LRP1B: variants seen among roughly 807,000 people sequenced by gnomAD.
LRP1B encodes the protein low-density lipoprotein receptor-related protein 1B.
In LRP1B, 217 loss-of-function variants were observed where a neutral mutation model predicts 556.6. The observed-to-expected ratio is 0.39, with a 90% CI of 0.35 to 0.44. The LOEUF (loss-of-function observed/expected upper bound fraction) is 0.44. Ranked by LOEUF, LRP1B falls within the 20% of genes least tolerant of loss-of-function variation. The pLI is 1.00. For missense variants in LRP1B, 5,053 were observed against 5,620.8 expected (o/e 0.90, Z 3.23); for synonymous variants, 2,047 against 1,865.8 (o/e 1.10, Z -2.50).
chr2:141,784,671 C>T (rs886487216), intron 2 of LRP1B, among the ~76,000 whole-genome samples: 1 of 151,852 alleles, frequency 6.6e-6, no homozygotes, highest in African/African-American at 2.4e-5. Flanking sequence ...CAATTTGTCA[C>T]CCCTTTCCCT....
At chr2:141,214,759 G>T (rs1345627734) in intron 6 of LRP1B, among the ~76,000 whole-genome samples, 1 of 152,136 alleles carries the variant, frequency 6.6e-6, no homozygotes, top group Non-Finnish European at 1.5e-5. Flanking sequence ...TGGGAAGTCA[G>T]AGACCAAGCC....
Position 140,748,115 on chromosome 2 carries a change from AT to A in LRP1B, c.5758+21097del, listed in dbSNP as rs1559093567. Reference sequence around the variant, plus strand: ...TGAATATATATATATATATATATATATATATATATATATATATATATAATTC... The same window carrying A: ...TGAATATATATATATATATATATATAATATATATATATATATATATAATTC... On this transcript the variant is annotated intron_variant, in intron 35 of 90. Coordinates refer to ENST00000389484, the MANE Select transcript of LRP1B (RefSeq NM_018557.3). 4.5e-4 allele frequency among the ~76,000 whole-genome samples: 60 copies of A among 132,852 alleles called. 1 individual carries two copies. The highest frequency in any genetic ancestry group is 9.0e-4 in the Admixed American group (11 of 12,262). 87.2% of individuals were successfully genotyped at this position (132,852 alleles called of 152,430 possible).
At chr2:141,087,710 C>T (rs1430419535) in intron 7 of LRP1B, among the ~76,000 whole-genome samples, 3 of 152,140 alleles carry the variant, frequency 2.0e-5, no homozygotes, top group African/African-American at 7.2e-5. Context: ...GAAAACTTTA[C>T]AGCATGATGC....
intron 7 of LRP1B, among the ~76,000 whole-genome samples, chr2:141,133,226 A>G (rs2105032329): frequency 6.6e-6 from 1 of 151,514 alleles, no homozygotes; most frequent in Non-Finnish European, 1.5e-5. Flanking sequence ...AATCTCCTAC[A>G]TCTTATTTCC....
intron 47 of LRP1B, among the ~76,000 whole-genome samples, chr2:140,528,142 T>C (rs571308448): frequency 6.6e-6 from 1 of 151,962 alleles, no homozygotes; most frequent in African/African-American, 2.4e-5. Flanking sequence ...GAGGCAAATG[T>C]AGGGAATGGC....
intron 3 of LRP1B, among the ~76,000 whole-genome samples, chr2:141,298,997 A>G (rs956267571): frequency 4.0e-5 from 6 of 151,498 alleles, no homozygotes; most frequent in Non-Finnish European, 7.4e-5. Flanking sequence ...ACAAGCCTGT[A>G]ACCATGAGTA....
At chr2:140,292,459 T>TC (rs1216250337) in intron 84 of LRP1B, among the ~76,000 whole-genome samples, 2 of 152,118 alleles carry the variant, frequency 1.3e-5, no homozygotes, top group Non-Finnish European at 1.5e-5. Flanking sequence ...CATATGCTGC[T>TC]CCCCCTTGCT....
At chr2:141,081,714 A>G (rs1398669689) in intron 7 of LRP1B, among the ~76,000 whole-genome samples, 1 of 151,958 alleles carries the variant, frequency 6.6e-6, no homozygotes, top group Non-Finnish European at 1.5e-5. Context: ...AAATTAGGCT[A>G]CAGAAGAAAA....
intron 43 of LRP1B, among the ~76,000 whole-genome samples, chr2:140,563,999 G>A (rs896350934): frequency 7.2e-5 from 11 of 152,094 alleles, no homozygotes; most frequent in Non-Finnish European, 1.6e-4. Context: ...AGGGTAACAA[G>A]GAGATAACAC....
At chr2:140,428,950 A>G (rs1445232771) in intron 66 of LRP1B, among the ~76,000 whole-genome samples, 1 of 152,096 alleles carries the variant, frequency 6.6e-6, no homozygotes, top group Non-Finnish European at 1.5e-5. Flanking sequence ...CCTAGACTAC[A>G]GCCACATCTC....
chr2:140,576,399 G>C (rs551100239), intron 43 of LRP1B, among the ~76,000 whole-genome samples: 1 of 152,286 alleles, frequency 6.6e-6, no homozygotes, highest in South Asian at 2.1e-4. Flanking sequence ...TGTTGGTAAA[G>C]CAAGCCAACT....
chr2:140,582,351 G>T (rs1681802718), intron 43 of LRP1B, among the ~76,000 whole-genome samples: 1 of 149,412 alleles, frequency 6.7e-6, no homozygotes, highest in Non-Finnish European at 1.5e-5. Context: ...TGTACATTCT[G>T]TGGTAAGAAA....
chr2:141,126,057 G>C (rs910046640), intron 7 of LRP1B, among the ~76,000 whole-genome samples: 1 of 149,066 alleles, frequency 6.7e-6, no homozygotes, highest in African/African-American at 2.5e-5. Context: ...TTTTGAGGCA[G>C]AGTCTGGCTC....
intron 2 of LRP1B, among the ~76,000 whole-genome samples, chr2:141,769,351 C>T (rs1694827065): frequency 6.6e-6 from 1 of 152,144 alleles, no homozygotes; most frequent in African/African-American, 2.4e-5. Flanking sequence ...TAATCCCTTG[C>T]AGTTAAGACA....
chr2:141,178,934 T>C (rs1186515462), intron 7 of LRP1B, among the ~76,000 whole-genome samples: 1 of 152,096 alleles, frequency 6.6e-6, no homozygotes, highest in East Asian at 1.9e-4. Flanking sequence ...TATAATTTAA[T>C]TGTATTAAGT....
intron 2 of LRP1B, among the ~76,000 whole-genome samples, chr2:141,486,965 C>T (rs1683144244): frequency 6.6e-6 from 1 of 152,118 alleles, no homozygotes; most frequent in African/African-American, 2.4e-5. Context: ...CGAAGTCCTC[C>T]AAAGACTGAT....
intron 1 of LRP1B, among the ~76,000 whole-genome samples, chr2:141,889,053 G>A (rs13408365): frequency 0.41 from 62,004 of 151,864 alleles, 12,889 homozygotes; most frequent in South Asian, 0.54. Context: ...TCTCAGCATA[G>A]GATTTCCAGA....
intron 1 of LRP1B, among the ~76,000 whole-genome samples, chr2:141,964,561 G>T (rs1214867117): frequency 6.6e-6 from 1 of 151,920 alleles, no homozygotes; most frequent in African/African-American, 2.4e-5. Context: ...GCTGAAACTG[G>T]ATCCCTTCCT....
intron 2 of LRP1B, among the ~76,000 whole-genome samples, chr2:141,553,022 GA>G (rs146105578): frequency 0.032 from 4,838 of 151,898 alleles, 274 homozygotes; most frequent in African/African-American, 0.11. Flanking sequence ...AGAGGAAAGG[GA>G]TGATAACTTT....
Sources: allele counts gnomAD v4.1 joint callset (sites outside exome capture counted in the v4.1 genomes callset), GRCh38; gene constraint gnomAD v4.1.1; transcripts MANE v1.5; gene names NCBI Gene and HGNC (gene_info 2026-07-23, HGNC 2026-07-21).